The following CPT1C variants were observed in gnomAD, a reference collection of about 807,000 sequenced individuals.
The protein encoded by CPT1C is carnitine palmitoyltransferase 1C.
A neutral mutation model predicts 97.3 loss-of-function variants in CPT1C; 61 were observed. That is an observed-to-expected ratio of 0.63 (90% CI 0.51 to 0.78). CPT1C has a LOEUF of 0.78. Ranked by LOEUF, CPT1C falls within the 30% of genes least tolerant of loss-of-function variation. CPT1C has a pLI of 0.00. For missense variants in CPT1C, 975 were observed against 1,065.5 expected (o/e 0.92, Z 1.18); for synonymous variants, 469 against 447.2 (o/e 1.05, Z -0.61).
intron 16 of CPT1C, 56 bp downstream of exon 16, chr19:49,710,913 T>C (rs2083832277): frequency 1.9e-6 from 3 of 1,548,534 alleles, no homozygotes; most frequent in Non-Finnish European, 2.6e-6. Context: ...ACTCATCCAC[T>C]TGCAAACGTT....
upstream of CPT1C, chr19:49,690,837 C>T: frequency 4.4e-6 from 1 of 225,420 alleles, no homozygotes; most frequent in Non-Finnish European, 8.6e-6. This position sits in a 1 kb window ranked among gnomAD's most constrained non-coding sequence, Gnocchi z 4.4. Context: ...ACGCGCCTGA[C>T]GTTATAATGC....
intron 10 of CPT1C, 97 bp downstream of exon 10, chr19:49,705,395 C>A: frequency 2.9e-6 from 3 of 1,039,824 alleles, no homozygotes; most frequent in Non-Finnish European, 4.3e-6. Flanking sequence ...GGAACCATTG[C>A]TTCCTTGCTG....
At chr19:49,701,746 G>A in intron 7 of CPT1C, 112 bp downstream of exon 7, 2 of 1,263,964 alleles carry the variant, frequency 1.6e-6, no homozygotes, top group East Asian at 2.7e-5. Flanking sequence ...CAACCCACAC[G>A]CCCCCAGCCC....
chr19:49,700,800 A>T lies in CPT1C; in HGVS notation c.398A>T (p.His133Leu), dbSNP rs778387377. 6.2e-7 allele frequency: 1 copy of T among 1,613,324 alleles called. No homozygotes were observed. Among genetic ancestry groups the T allele is most frequent in the South Asian group, 1.1e-5 (1 of 91,076 alleles). ...GCCCTGAGGCTGCTTCTGTCCTACCACGGCTGGCTTCTTGAGCCCCACGGA... is the reference window on the plus strand; with the variant it reads ...GCCCTGAGGCTGCTTCTGTCCTACCTCGGCTGGCTTCTTGAGCCCCACGGA... ...HVALRLLLSYHGWLLEPHGAM... is the reference protein window; with the variant it reads ...HVALRLLLSYLGWLLEPHGAM... Residue 133 changes from histidine (H) to leucine (L), a missense_variant, in exon 5 of 20, where the codon CAC becomes CTC. By Grantham distance (99) the His-to-Leu change is moderately conservative. Around this residue, in one of 3 missense-constraint regions of CPT1C, gnomAD observed 596 missense variants for 603.1 expected, o/e 0.99. Coordinates refer to ENST00000598293, the MANE Select transcript of CPT1C (RefSeq NM_001199753.2).
intron 16 of CPT1C, 200 bp downstream of exon 16, chr19:49,711,057 G>A (rs1600149443): frequency 4.0e-6 from 2 of 499,888 alleles, no homozygotes; most frequent in East Asian, 6.7e-5. Flanking sequence ...CTTTCATGGT[G>A]GTCTCACAGG....
At chr19:49,712,164 G>A (rs891914558) in intron 17 of CPT1C, 2 of 593,072 alleles carry the variant, frequency 3.4e-6, no homozygotes, top group South Asian at 2.1e-5. Flanking sequence ...CCAACTTGGC[G>A]AAACCCTGTC....
chr19:49,701,350 A>ATGC lies in CPT1C; in HGVS notation c.490_492dup (p.Leu164dup). On this transcript the variant is annotated inframe_insertion, in exon 6 of 20. Transcript: ENST00000598293. Reference sequence around the variant, plus strand: ...CCGCATCTTCTCTGGCCGCCACCCGATGCTGTTCAGTTACCAGCGCTCCCT... The same window carrying ATGC: ...CCGCATCTTCTCTGGCCGCCACCCGATGCTGCTGTTCAGTTACCAGCGCTCCCT... The ATGC allele has an allele frequency of 6.2e-7, 1 of 1,613,318 alleles. No individual in the cohort carries two copies. Among genetic ancestry groups the ATGC allele is most frequent in the South Asian group, 1.1e-5 (1 of 91,020 alleles).
At chr19:49,692,496 A>T (rs112541405) in intron 3 of CPT1C, 103 bp downstream of exon 3, 2 of 1,399,238 alleles carry the variant, frequency 1.4e-6, no homozygotes, top group South Asian at 1.3e-5. Flanking sequence ...TTTCTGGGAG[A>T]CTATCACCCC....
In CPT1C at chr19:49,692,335, T is replaced by C; in HGVS notation, c.83T>C (p.Leu28Pro). Residue 28 changes from leucine (L) to proline (P), a missense_variant, in exon 3 of 20, where the codon CTG becomes CCG. Leu to Pro is a moderately conservative substitution (Grantham distance 98, BLOSUM62 -3). This residue lies in a region of CPT1C where 596 missense variants were observed against 603.1 expected (regional missense o/e 0.99). Transcript: ENST00000598293. ...GAAGTGGAACTCAGTGCCCCTGTGC[T>C]GCAGGAGATCTACCTCTCTGGCCTG... is the stretch of plus-strand genomic sequence containing the variant. ...GAEVELSAPVLQEIYLSGLRS... is the reference protein window; with the variant it reads ...GAEVELSAPVPQEIYLSGLRS... The C allele has an allele frequency of 6.2e-7, 1 of 1,614,132 alleles. No homozygotes were observed. Among genetic ancestry groups the C allele is most frequent in the Middle Eastern group, 1.7e-4 (1 of 6,060 alleles).
rs1568525461 is a variant in CPT1C at position 49,703,586 on chromosome 19, TCCC to T, written c.694-1123_694-1121del. On this transcript the variant is annotated intron_variant, in intron 7 of 19. Coordinates refer to ENST00000598293, the MANE Select transcript of CPT1C (RefSeq NM_001199753.2). ...TCTCCTCCCTCCCTCCCTCCCTCCC[TCCC>T]TCCCTCCCTTCCTTCCTTCCTTCCT... Among the ~76,000 whole-genome samples the T allele has an allele frequency of 1.7e-3, 73 of 42,892 alleles. 1 individual carries two copies. Among genetic ancestry groups the T allele is most frequent in the South Asian group, 0.014 (16 of 1,124 alleles). 28.1% of individuals were successfully genotyped at this position (42,892 alleles called of 152,430 possible).
chr19:49,701,630 A>G lies in CPT1C; in HGVS notation c.689A>G (p.Asn230Ser), dbSNP rs375896661. 7 of 1,597,048 alleles carry G rather than the reference A, an allele frequency of 4.4e-6. No individual in the cohort carries two copies. The African/African-American group carries it at 5.4e-5, about 12-fold the overall frequency. ...CGGCTCAAGTCCTGGTGGGCGTCCA[A>G]TTATGTGAGTCCCGCCACCGCCACC... is the stretch of plus-strand genomic sequence containing the variant. ...YLRLKSWWASNYVSDWWEEFV... is the reference protein window; with the variant it reads ...YLRLKSWWASSYVSDWWEEFV... Residue 230 changes from asparagine (N) to serine (S), a missense_variant, in exon 7 of 20, where the codon AAT becomes AGT. By Grantham distance (46) the Asn-to-Ser change is conservative (BLOSUM62 1). Around this residue, in one of 3 missense-constraint regions of CPT1C, gnomAD observed 596 missense variants for 603.1 expected, o/e 0.99. Coordinates refer to ENST00000598293, the MANE Select transcript of CPT1C (RefSeq NM_001199753.2).
At position 49,706,360 on chromosome 19, in the gene CPT1C, A is replaced by G; in HGVS notation, c.1290A>G (p.Ala430=). 6.6e-7 allele frequency: 1 copy of G among 1,511,064 alleles called. No homozygotes were observed. The highest frequency in any genetic ancestry group is 8.8e-7 in the Non-Finnish European group (1 of 1,134,710). 93.6% of individuals were successfully genotyped at this position (1,511,064 alleles called of 1,614,324 possible). Residue 430 remains alanine (A), a synonymous_variant, in exon 12 of 20, where the codon GCA becomes GCG. Transcript: ENST00000598293. The surrounding 1 kb of genome is among the most constrained non-coding windows in gnomAD (Gnocchi z 4.8). The stretch of plus-strand genomic sequence containing the variant: ...CGGGGCTCACCAGGGAGGACCCGGC[A>G]GCGTCGTTGGATGCCTACGCCCATG... ...EPAGLTREDP[A]ASLDAYAHAL...
At position 49,713,286 on chromosome 19, in the gene CPT1C, C is replaced by T. The variant is rs1371797199; in HGVS notation, c.2227-134C>T. ...GAGTCCAGGCCCCCAGCCCCTCCTC[C>T]CTCAGACTCGGGAGTCCAGGCCCCA... On this transcript the variant is annotated intron_variant, in intron 19 of 19. Transcript: ENST00000598293. 3.4e-6 allele frequency: 3 copies of T among 884,566 alleles called. No homozygotes were observed. In the African/African-American group the frequency reaches 5.1e-5, roughly 15 times the overall value. The allele number at this position is 884,566 out of a possible 1,614,324, so 54.8% of individuals were successfully genotyped here. A position where few individuals can be genotyped will look rare whatever the true frequency, so the allele number is the denominator to read the frequency against.
In CPT1C at chr19:49,706,462, A is replaced by T. The variant is rs778795927; in HGVS notation, c.1343+49A>T. 7.1e-7 allele frequency: 1 copy of T among 1,409,708 alleles called. No homozygotes were observed. The highest frequency in any genetic ancestry group is 1.5e-5 in the South Asian group (1 of 66,188). The allele number at this position is 1,409,708 out of a possible 1,614,324, so 87.3% of individuals were successfully genotyped here. A position where few individuals can be genotyped will look rare whatever the true frequency, so the allele number is the denominator to read the frequency against. ...CCCCAGATGTGGCACCCGAGAATCC[A>T]GTATCAGACCTAGGACCCCTGACAG... On this transcript the variant is annotated intron_variant, in intron 12 of 19. Coordinates refer to ENST00000598293, the MANE Select transcript of CPT1C (RefSeq NM_001199753.2). This position sits in a 1 kb window ranked among gnomAD's most constrained non-coding sequence, Gnocchi z 4.8.
intron 14 of CPT1C, 68 bp downstream of exon 14, chr19:49,708,907 C>G: frequency 1.0e-6 from 1 of 995,452 alleles, no homozygotes; most frequent in Non-Finnish European, 1.6e-6. Context: ...AAACTCATCC[C>G]CACCCCTAAT....
chr19:49,710,557 C>G (rs746468389), intron 15 of CPT1C, 73 bp downstream of exon 15: 3 of 1,589,334 alleles, frequency 1.9e-6, no homozygotes, highest in Middle Eastern at 1.7e-4. Flanking sequence ...TGCCCCTCCA[C>G]GGTTCCTTGT....
chr19:49,711,541 C>G, intron 16 of CPT1C: 1 of 506,846 alleles, frequency 2.0e-6, no homozygotes, highest in South Asian at 2.4e-5. Context: ...ACACCTAGCC[C>G]CGCACCTACA....
intron 2 of CPT1C, 41 bp downstream of exon 2, chr19:49,691,930 C>A (rs974849030): frequency 2.8e-6 from 1 of 351,110 alleles, no homozygotes; most frequent in Non-Finnish European, 5.3e-6. Context: ...AGTCCTGGGT[C>A]GGCGCAAAAA....
intron 16 of CPT1C, 63 bp from the exon 17 acceptor site, chr19:49,711,746 C>T: frequency 6.6e-7 from 1 of 1,526,224 alleles, no homozygotes; most frequent in Non-Finnish European, 8.8e-7. Flanking sequence ...AGATGTGCCG[C>T]AGGCCCAGCC....
Sources: gnomAD v4.1 joint callset for allele counts (sites outside exome capture counted in the v4.1 genomes callset) on GRCh38, gnomAD v4.1.1 for gene constraint, gnomAD v4.1.1 regional missense constraint, Gnocchi (gnomAD v3.1) non-coding constraint, MANE v1.5 for transcripts, NCBI Gene and HGNC (gene_info 2026-07-23, HGNC 2026-07-21) for gene names.